Variants in ZFYVE1 observed in about 807,000 individuals in gnomAD.
ZFYVE1 encodes the protein zinc finger FYVE domain-containing protein 1.
A neutral mutation model predicts 74.4 loss-of-function variants in ZFYVE1; 30 were observed. The ratio of observed to expected loss-of-function variants is 0.40; its 90% confidence interval spans 0.30 to 0.55. The LOEUF (loss-of-function observed/expected upper bound fraction) is 0.55, where lower values mean the gene tolerates loss of function less well. Among genes scored for constraint, ZFYVE1 ranks in the 20% least tolerant of loss-of-function variants. The pLI, the probability that ZFYVE1 is intolerant of heterozygous loss-of-function variation, is 0.42. For synonymous variants in ZFYVE1, 335 were observed against 385.1 expected, an observed-to-expected ratio of 0.87 and a Z score of 1.52; for missense variants, 703 against 1,011.6, an observed-to-expected ratio of 0.69 and a Z score of 4.14.
chr14:72,997,906 G>A lies in ZFYVE1; in HGVS notation c.893C>T (p.Thr298Ile). ...GACATCCAGGCCACAGCGAGCAGTG[G>A]TGGCCTTGAGCTCCTTGGTGAAGTG... is the stretch of plus-strand genomic sequence containing the variant. The part of the protein sequence containing the change: ...LKHFTKELKA[T>I]TARCGLDVPL... The change falls in exon 3 of 12, where the codon ACC (threonine) becomes ATC (isoleucine). Residue 298 changes from threonine to isoleucine, a missense_variant. By Grantham distance (89) the Thr-to-Ile change is moderately conservative. This residue lies in a region of ZFYVE1 where 492 missense variants were observed against 790.0 expected (regional missense o/e 0.62). Transcript: ENST00000556143. 1.2e-6 allele frequency: 2 copies of A among 1,614,188 alleles called. No homozygotes were observed. The highest frequency in any genetic ancestry group is 1.7e-6 in the Non-Finnish European group (2 of 1,180,018).
chr14:73,009,483 G>A (rs547159473), intron 2 of ZFYVE1, among the ~76,000 whole-genome samples: 48 of 152,272 alleles, frequency 3.2e-4, no homozygotes, highest in African/African-American at 4.8e-4. Context: ...GAGGCTGGGC[G>A]CGGAGGCTCA....
intron 4 of ZFYVE1, among the ~76,000 whole-genome samples, chr14:72,992,618 C>CA (rs1469724509): frequency 1.1e-4 from 12 of 108,776 alleles, no homozygotes; most frequent in African/African-American, 4.1e-4. Context: ...TTCAGGTGCC[C>CA]CCCCCGCCCC....
At chr14:73,011,801 C>T (rs1036194658) in intron 2 of ZFYVE1, among the ~76,000 whole-genome samples, 16 of 148,434 alleles carry the variant, frequency 1.1e-4, no homozygotes, top group African/African-American at 3.7e-4. Flanking sequence ...GGATTACAGG[C>T]GTGAGCCACC....
intron 2 of ZFYVE1, among the ~76,000 whole-genome samples, chr14:73,023,332 ATATATG>A (rs1567366900): frequency 0.18 from 16,962 of 92,124 alleles, 2,321 homozygotes; most frequent in Non-Finnish European, 0.22. Context: ...AATATATATT[ATATATG>A]TTTTATATAT....
At chr14:73,004,323 C>T (rs565370214) in intron 2 of ZFYVE1, among the ~76,000 whole-genome samples, 8 of 152,168 alleles carry the variant, frequency 5.3e-5, no homozygotes, top group African/African-American at 1.2e-4. Flanking sequence ...TCTACTCTGT[C>T]GCGACTCTTT....
intron 11 of ZFYVE1, among the ~76,000 whole-genome samples, chr14:72,973,488 CAAAA>C (rs1041319737): frequency 8.0e-5 from 12 of 149,414 alleles, no homozygotes; most frequent in African/African-American, 2.7e-4. Context: ...GACTCCATCT[CAAAA>C]AAACAAACAA....
intron 2 of ZFYVE1, among the ~76,000 whole-genome samples, chr14:73,020,110 C>T (rs1448419434): frequency 6.6e-6 from 1 of 151,854 alleles, no homozygotes; most frequent in African/African-American, 2.4e-5. Context: ...CAAAAATTAG[C>T]TGGGCATGGT....
At chr14:73,017,321 C>A (rs763717763) in intron 2 of ZFYVE1, among the ~76,000 whole-genome samples, 4 of 152,200 alleles carry the variant, frequency 2.6e-5, no homozygotes, top group Non-Finnish European at 5.9e-5. Context: ...CTATGTCCTG[C>A]CTGTGGTTTT....
intron 1 of ZFYVE1, among the ~76,000 whole-genome samples, chr14:73,026,699 C>T (rs1394192926): frequency 2.0e-5 from 3 of 152,084 alleles, no homozygotes; most frequent in South Asian, 4.1e-4. Context: ...CCGCCACAAC[C>T]CGAGGGGCAG....
chr14:72,970,692 C>T lies in ZFYVE1; in HGVS notation c.*190G>A, dbSNP rs142379854. ...CCCCTTTGCGATAAGTTGCAAGGTC[C>T]CCTGCCCTGAGGGGTCCACACCTTC... On this transcript the variant is annotated 3_prime_UTR_variant, in exon 12 of 12. Coordinates refer to ENST00000556143, the MANE Select transcript of ZFYVE1 (RefSeq NM_021260.4). 5 of 627,038 alleles carry T rather than the reference C, an allele frequency of 8.0e-6. No homozygotes were observed. Among genetic ancestry groups the T allele is most frequent in the Non-Finnish European group, 1.4e-5 (5 of 356,744 alleles). The allele number at this position is 627,038 out of a possible 1,614,324, so 38.8% of individuals were successfully genotyped here.
chr14:72,992,129 A>T (rs994193781), intron 4 of ZFYVE1, among the ~76,000 whole-genome samples: 7 of 151,924 alleles, frequency 4.6e-5, no homozygotes, highest in Non-Finnish European at 7.4e-5. Context: ...GGCTAGTCTC[A>T]AACACCTGAC....
intron 2 of ZFYVE1, among the ~76,000 whole-genome samples, chr14:73,022,633 T>G (rs1211015425): frequency 3.3e-5 from 5 of 152,228 alleles, no homozygotes; most frequent in Admixed American, 6.5e-5. Flanking sequence ...GGCTATATAG[T>G]GATTGGTAAA....
intron 2 of ZFYVE1, among the ~76,000 whole-genome samples, chr14:73,019,810 G>A (rs964653340): frequency 7.9e-5 from 12 of 152,118 alleles, no homozygotes; most frequent in African/African-American, 2.4e-4. Flanking sequence ...AAATTAGCCA[G>A]GCGTGGTGGT....
At chr14:72,978,492 A>G (rs2806026) in intron 6 of ZFYVE1, among the ~76,000 whole-genome samples, 147,576 of 149,464 alleles carry the variant, frequency 0.99, 72,881 homozygotes, top group Middle Eastern at 1. Context: ...GCTGCAGCCC[A>G]GGAGGTGGAG....
At chr14:73,001,834 G>A (rs563784262) in intron 2 of ZFYVE1, among the ~76,000 whole-genome samples, 1 of 151,968 alleles carries the variant, frequency 6.6e-6, no homozygotes, top group South Asian at 2.1e-4. Flanking sequence ...GGTAATCCCA[G>A]CTACTCGGGA....
At chr14:72,979,297 C>A in intron 5 of ZFYVE1, 2 of 240,488 alleles carry the variant, frequency 8.3e-6, no homozygotes, top group Non-Finnish European at 1.7e-5. Flanking sequence ...GTCAGAAGTT[C>A]AAGACCAGCC....
At chr14:72,996,839 T>G (rs1893759814) in intron 3 of ZFYVE1, among the ~76,000 whole-genome samples, 2 of 152,204 alleles carry the variant, frequency 1.3e-5, no homozygotes, top group African/African-American at 4.8e-5. Flanking sequence ...GCCTCAGTGC[T>G]CAGCACATGA....
At chr14:73,006,166 G>T (rs563412787) in intron 2 of ZFYVE1, among the ~76,000 whole-genome samples, 1 of 151,912 alleles carries the variant, frequency 6.6e-6, no homozygotes, top group African/African-American at 2.4e-5. Flanking sequence ...TGATCCGCCC[G>T]CCTGGGCCTC....
intron 3 of ZFYVE1, among the ~76,000 whole-genome samples, chr14:72,995,276 T>C (rs1016424107): frequency 6.6e-6 from 1 of 152,164 alleles, no homozygotes; most frequent in African/African-American, 2.4e-5. Flanking sequence ...GTTGTATTTT[T>C]AGTAGAGACA....
Sources: allele counts gnomAD v4.1 joint callset (sites outside exome capture counted in the v4.1 genomes callset), GRCh38; gene constraint gnomAD v4.1.1; regional missense constraint gnomAD v4.1.1; transcripts MANE v1.5; gene names NCBI Gene and HGNC (gene_info 2026-07-23, HGNC 2026-07-21).